ADARB2: variants seen among roughly 807,000 people sequenced by gnomAD.
ADARB2 encodes adenosine deaminase RNA specific B2 (inactive).
Under a neutral mutation model 62.2 loss-of-function variants are expected in ADARB2, and 25 were observed. The observed-to-expected ratio is 0.40, with a 90% CI of 0.29 to 0.56. The LOEUF (loss-of-function observed/expected upper bound fraction) is 0.56, where lower values mean the gene tolerates loss of function less well. Ranked by LOEUF, ADARB2 falls within the 20% of genes least tolerant of loss-of-function variation. The pLI, the probability that ADARB2 is intolerant of heterozygous loss-of-function variation, is 0.43. For synonymous variants in ADARB2, 572 were observed against 500.8 expected (o/e 1.14, Z -1.90); for missense variants, 1,071 against 1,077.4 (o/e 0.99, Z 0.08).
intron 7 of ADARB2, chr10:1,200,371 GCTGCTCTCTTTT>G: frequency 1.7e-6 from 1 of 593,418 alleles, no homozygotes. Flanking sequence ...GCTAACAAAT[GCTGCTCTCTTTT>G]CTGAAAATGA....
At chr10:1,727,452 C>T (rs906224477) in intron 1 of ADARB2, among the ~76,000 whole-genome samples, 4 of 152,190 alleles carry the variant, frequency 2.6e-5, no homozygotes, top group African/African-American at 9.6e-5. Context: ...CGAAAATGTT[C>T]CCCTCTCCCA....
In ADARB2 at chr10:1,623,526, C is replaced by T. The variant is rs147077314; in HGVS notation, c.100+113525G>A. On this transcript the variant is annotated intron_variant, in intron 1 of 9. Transcript: ENST00000381312. Reference sequence around the variant, plus strand: ...ACAGCCCATAGAATTTTTGTCACTACCCATAGAATTCCATTGTCAGCGCCT... The same window carrying T: ...ACAGCCCATAGAATTTTTGTCACTATCCATAGAATTCCATTGTCAGCGCCT... Among the ~76,000 whole-genome samples, 187 of 152,322 alleles carry T rather than the reference C, an allele frequency of 1.2e-3. 1 individual carries two copies. In the Middle Eastern group the frequency reaches 0.034, roughly 28 times the overall value.
intron 1 of ADARB2, among the ~76,000 whole-genome samples, chr10:1,610,198 G>T (rs1198104209): frequency 1.3e-5 from 2 of 152,126 alleles, no homozygotes. Flanking sequence ...ATCACCGTGG[G>T]CTCCCTGCCT....
chr10:1,596,948 G>A (rs531914120), intron 1 of ADARB2, among the ~76,000 whole-genome samples: 3 of 152,262 alleles, frequency 2.0e-5, no homozygotes, highest in Admixed American at 6.5e-5. Context: ...GGGCTTCATC[G>A]CCGACTTCTC....
intron 7 of ADARB2, chr10:1,216,122 G>A (rs1683700012): frequency 6.6e-6 from 1 of 151,548 alleles, no homozygotes; most frequent in African/African-American, 2.4e-5. Context: ...ATTAGACCAA[G>A]GTTGGGGGAA....
chr10:1,575,313 G>T (rs947964429), intron 1 of ADARB2, among the ~76,000 whole-genome samples: 21 of 152,182 alleles, frequency 1.4e-4, no homozygotes, highest in Non-Finnish European at 1.8e-4. Flanking sequence ...AAGCCAGTCT[G>T]CTCAGCTCAT....
chr10:1,312,353 C>T (rs927855153), intron 3 of ADARB2, among the ~76,000 whole-genome samples: 1 of 152,160 alleles, frequency 6.6e-6, no homozygotes, highest in African/African-American at 2.4e-5. Flanking sequence ...TCAGAGTGAG[C>T]CCCCGGCAGG....
intron 7 of ADARB2, among the ~76,000 whole-genome samples, chr10:1,212,495 G>C (rs933686650): frequency 2.0e-5 from 3 of 152,214 alleles, no homozygotes; most frequent in African/African-American, 7.2e-5. Flanking sequence ...CAGAGGCTCC[G>C]AGTGGTGGCA....
chr10:1,213,382 G>C (rs1310434460), intron 7 of ADARB2, among the ~76,000 whole-genome samples: 5 of 152,138 alleles, frequency 3.3e-5, no homozygotes, highest in African/African-American at 1.2e-4. Context: ...GGGACAAGGG[G>C]AAGCCAAGTC....
At chr10:1,401,324 G>T (rs1832659938) in intron 1 of ADARB2, among the ~76,000 whole-genome samples, 1 of 152,204 alleles carries the variant, frequency 6.6e-6, no homozygotes. Context: ...ACAGAGCCCT[G>T]CGGGGACCAG....
chr10:1,571,992 C>A (rs530963255), intron 1 of ADARB2, among the ~76,000 whole-genome samples: 193 of 142,344 alleles, frequency 1.4e-3, no homozygotes, highest in African/African-American at 5.0e-3. Context: ...GGTGAGTGTG[C>A]AGGTGAGTGT....
intron 1 of ADARB2, among the ~76,000 whole-genome samples, chr10:1,689,908 T>A (rs1267786296): frequency 1.3e-5 from 2 of 152,246 alleles, no homozygotes; most frequent in Non-Finnish European, 2.9e-5. Context: ...CTGAGAAATT[T>A]AAAAAATCGT....
chr10:1,554,510 G>A (rs968341854), intron 1 of ADARB2, among the ~76,000 whole-genome samples: 3 of 151,984 alleles, frequency 2.0e-5, no homozygotes, highest in African/African-American at 7.2e-5. Flanking sequence ...ATCCCCCCAA[G>A]TTCTGCTGGT....
intron 1 of ADARB2, among the ~76,000 whole-genome samples, chr10:1,464,179 C>T (rs71491388): frequency 0.14 from 12,567 of 87,028 alleles, 19 homozygotes; most frequent in South Asian, 0.17. Context: ...GCGGGCAGTG[C>T]GCCGGAGAAG....
At chr10:1,695,899 C>T (rs768710889) in intron 1 of ADARB2, among the ~76,000 whole-genome samples, 17 of 151,936 alleles carry the variant, frequency 1.1e-4, no homozygotes, top group Non-Finnish European at 2.2e-4. Context: ...TGCATGAGGG[C>T]ACACACGTGC....
At chr10:1,656,282 C>T (rs1219152212) in intron 1 of ADARB2, among the ~76,000 whole-genome samples, 1 of 152,226 alleles carries the variant, frequency 6.6e-6, no homozygotes, top group Non-Finnish European at 1.5e-5. Flanking sequence ...TCTGGGGCCT[C>T]AGATGACGTC....
intron 1 of ADARB2, among the ~76,000 whole-genome samples, chr10:1,723,529 G>A (rs1411085010): frequency 6.6e-6 from 1 of 152,198 alleles, no homozygotes; most frequent in Non-Finnish European, 1.5e-5. Context: ...AGTTGATGGT[G>A]TCTTAGGTCC....
chr10:1,373,693 C>A (rs187686750), intron 2 of ADARB2, among the ~76,000 whole-genome samples: 1 of 152,200 alleles, frequency 6.6e-6, no homozygotes, highest in East Asian at 1.9e-4. Flanking sequence ...AGCTCCCCTG[C>A]CCTCTTGCCC....
intron 3 of ADARB2, among the ~76,000 whole-genome samples, chr10:1,287,164 C>T (rs1426457926): frequency 2.0e-5 from 3 of 152,166 alleles, no homozygotes; most frequent in Non-Finnish European, 2.9e-5. Flanking sequence ...CTGTCCCCCA[C>T]GACTGTGCTC....
Sources: allele counts gnomAD v4.1 joint callset (sites outside exome capture counted in the v4.1 genomes callset), GRCh38; gene constraint gnomAD v4.1.1; transcripts MANE v1.5; gene names NCBI Gene and HGNC (gene_info 2026-07-23, HGNC 2026-07-21).